The following NT5C2 variants were observed in gnomAD, a reference collection of about 807,000 sequenced individuals.
The protein encoded by NT5C2 is 5'-nucleotidase, cytosolic II, also known as cytosolic purine 5'-nucleotidase.
A neutral mutation model predicts 76.1 loss-of-function variants in NT5C2; 58 were observed. The ratio of observed to expected loss-of-function variants is 0.76; its 90% confidence interval spans 0.62 to 0.95. The LOEUF is 0.95. Ranked by LOEUF, NT5C2 falls within the 40% of genes least tolerant of loss-of-function variation. NT5C2 has a pLI of 0.00. For synonymous variants in NT5C2, 229 were observed against 237.4 expected (o/e 0.96, Z 0.32); for missense variants, 478 against 690.3 (o/e 0.69, Z 3.45).
intron 4 of NT5C2, among the ~76,000 whole-genome samples, chr10:103,136,880 C>T (rs1188374227): frequency 5.3e-5 from 8 of 152,180 alleles, no homozygotes; most frequent in Admixed American, 2.0e-4. Context: ...GCCTCAGTCT[C>T]CCAAAGTGCT....
At chr10:103,163,790 G>A (rs1056203751) in intron 3 of NT5C2, among the ~76,000 whole-genome samples, 1 of 149,710 alleles carries the variant, frequency 6.7e-6, no homozygotes, top group Non-Finnish European at 1.5e-5. Flanking sequence ...GCTGAGGCAG[G>A]TGAATCACTT....
intron 3 of NT5C2, among the ~76,000 whole-genome samples, chr10:103,174,531 A>G (rs2089313339): frequency 6.6e-6 from 1 of 152,180 alleles, no homozygotes; most frequent in Non-Finnish European, 1.5e-5. Context: ...AGATTGCGCC[A>G]TTGTACTCCA....
chr10:103,091,225 G>A (rs970287930), intron 16 of NT5C2, among the ~76,000 whole-genome samples: 6 of 152,100 alleles, frequency 3.9e-5, no homozygotes, highest in Non-Finnish European at 7.4e-5. Flanking sequence ...TGGTAGAGAT[G>A]GGGTTTCGTT....
At chr10:103,152,775 T>C (rs1031369373) in intron 3 of NT5C2, among the ~76,000 whole-genome samples, 2 of 152,120 alleles carry the variant, frequency 1.3e-5, no homozygotes, top group Non-Finnish European at 2.9e-5. Context: ...GAGAAAATAA[T>C]ACAAAAATAA....
chr10:103,191,410 GA>G (rs1464965474), intron 1 of NT5C2, among the ~76,000 whole-genome samples: 1 of 145,606 alleles, frequency 6.9e-6, no homozygotes, highest in Admixed American at 6.8e-5. Context: ...AGAGAGAGAG[GA>G]AATACTTAAA....
intron 4 of NT5C2, 120 bp downstream of exon 4, chr10:103,139,286 A>G (rs1272155038): frequency 3.6e-6 from 2 of 549,244 alleles, no homozygotes; most frequent in Non-Finnish European, 6.3e-6. Context: ...CCTGATAATA[A>G]AAGCTTCTGG....
At chr10:103,091,887 C>G (rs955543716) in intron 15 of NT5C2, among the ~76,000 whole-genome samples, 1 of 152,190 alleles carries the variant, frequency 6.6e-6, no homozygotes, top group African/African-American at 2.4e-5. Context: ...CAGCTGCACG[C>G]TCATTCTGAG....
rs2134703356 is a variant in NT5C2 at position 103,094,043 on chromosome 10, A to G, written c.922-5T>C. ...AATTTTCAGCTTGCCAGTTTTCTGT[A>G]TGAAGAATATGGATTTTGTAATACT... On this transcript the variant is annotated splice_polypyrimidine_tract_variant and splice_region_variant and intron_variant, in intron 13 of 18. Coordinates refer to ENST00000404739, the MANE Select transcript of NT5C2 (RefSeq NM_001351169.2). 6.2e-7 allele frequency: 1 copy of G among 1,610,688 alleles called. No homozygotes were observed. Among genetic ancestry groups the G allele is most frequent in the South Asian group, 1.1e-5 (1 of 91,004 alleles).
intron 1 of NT5C2, among the ~76,000 whole-genome samples, chr10:103,183,192 G>C (rs1047454027): frequency 6.9e-6 from 1 of 145,708 alleles, no homozygotes; most frequent in African/African-American, 2.5e-5. Context: ...GCTTTTTTAA[G>C]TATTTTGTAA....
At chr10:103,092,288 T>C (rs181183325) in intron 15 of NT5C2, among the ~76,000 whole-genome samples, 2 of 152,368 alleles carry the variant, frequency 1.3e-5, no homozygotes, top group Admixed American at 1.3e-4. Flanking sequence ...TTCAGCTCCA[T>C]TGGAAAGGTA....
intron 4 of NT5C2, among the ~76,000 whole-genome samples, chr10:103,130,783 AC>A (rs542316623): frequency 1.1e-4 from 17 of 152,100 alleles, no homozygotes; most frequent in Middle Eastern, 3.4e-3. Flanking sequence ...GATTCTCAAA[AC>A]ATCATTATTC....
chr10:103,179,546 T>C (rs894665774), intron 2 of NT5C2, among the ~76,000 whole-genome samples: 1 of 152,100 alleles, frequency 6.6e-6, no homozygotes, highest in Non-Finnish European at 1.5e-5. Context: ...CCGGCTAATT[T>C]TTTGTATTTA....
chr10:103,097,673 A>G lies in NT5C2; in HGVS notation c.688-299T>C, dbSNP rs185645367. On this transcript the variant is annotated intron_variant, in intron 10 of 18. Transcript: ENST00000404739. ...TTCCTCATGATGTCTGCCTCAGGAA[A>G]GAGTTTAAATTACCTTGAGATTTCT... 9.8e-5 allele frequency among the ~76,000 whole-genome samples: 15 copies of G among 152,352 alleles called. No individual in the cohort carries two copies. The East Asian group carries it at 2.7e-3, about 27-fold the overall frequency.
intron 3 of NT5C2, among the ~76,000 whole-genome samples, chr10:103,143,141 C>T (rs1461353762): frequency 6.6e-6 from 1 of 152,134 alleles, no homozygotes; most frequent in Non-Finnish European, 1.5e-5. Flanking sequence ...ATTACCAAAC[C>T]TTTTCTTTGT....
chr10:103,130,076 G>A (rs1009986443), intron 4 of NT5C2, among the ~76,000 whole-genome samples: 6 of 151,762 alleles, frequency 4.0e-5, no homozygotes, highest in South Asian at 4.2e-4. Flanking sequence ...CATTGAGAAC[G>A]GGCCAGGATG....
chr10:103,164,258 CT>C (rs953099909), intron 3 of NT5C2, among the ~76,000 whole-genome samples: 21 of 148,760 alleles, frequency 1.4e-4, no homozygotes, highest in African/African-American at 4.4e-4. Context: ...AAAAACAATG[CT>C]TTTTTTTTTC....
In NT5C2 at chr10:103,098,979, G is replaced by A; in HGVS notation, c.639C>T (p.Ser213=). The A allele has an allele frequency of 6.2e-7, 1 of 1,604,946 alleles. No homozygotes were observed. The highest frequency in any genetic ancestry group is 8.5e-7 in the Non-Finnish European group (1 of 1,173,608). Residue 213 remains serine (S), a synonymous_variant, in exon 10 of 19, where the codon TCC becomes TCT. Transcript: ENST00000404739. ...DAVDWVHYKG[S]LKEKTVENLE... ...GATTTTCAACTGTCTTTTCCTTAAGGGAGCCCTGGAGGAAGACAAAAAAAA... is the reference window on the plus strand; with the variant it reads ...GATTTTCAACTGTCTTTTCCTTAAGAGAGCCCTGGAGGAAGACAAAAAAAA...
intron 4 of NT5C2, among the ~76,000 whole-genome samples, chr10:103,128,299 G>A (rs1448422103): frequency 1.3e-5 from 2 of 150,244 alleles, no homozygotes; most frequent in East Asian, 2.0e-4. Flanking sequence ...GCCCCTAACC[G>A]CGAGTGATCC....
intron 4 of NT5C2, among the ~76,000 whole-genome samples, chr10:103,132,172 G>A (rs1028051363): frequency 3.3e-5 from 5 of 150,996 alleles, no homozygotes; most frequent in African/African-American, 4.9e-5. Context: ...CCTGGGAGGC[G>A]GAGGTTGCAG....
Sources: allele counts gnomAD v4.1 joint callset (sites outside exome capture counted in the v4.1 genomes callset), GRCh38; gene constraint gnomAD v4.1.1; transcripts MANE v1.5; gene names NCBI Gene and HGNC (gene_info 2026-07-23, HGNC 2026-07-21).